Variants in SORCS2 observed in about 807,000 individuals in gnomAD.
SORCS2 encodes VPS10 domain-containing receptor SorCS2.
Under a neutral mutation model 141.6 loss-of-function variants are expected in SORCS2, and 100 were observed. That is an observed-to-expected ratio of 0.71 (90% CI 0.60 to 0.83). SORCS2 has a LOEUF of 0.83. Among genes scored for constraint, SORCS2 ranks in the 40% least tolerant of loss-of-function variants. The pLI is 0.00. For missense variants in SORCS2, 1,646 were observed against 1,560.2 expected, an observed-to-expected ratio of 1.05 and a Z score of -0.93; for synonymous variants, 789 against 676.9, an observed-to-expected ratio of 1.17 and a Z score of -2.57.
intron 2 of SORCS2, among the ~76,000 whole-genome samples, chr4:7,419,878 G>A (rs945092609): frequency 6.6e-6 from 1 of 152,208 alleles, no homozygotes; most frequent in Non-Finnish European, 1.5e-5. Context: ...TTCCTAGGAT[G>A]AAGTTTCTCA....
intron 3 of SORCS2, among the ~76,000 whole-genome samples, chr4:7,583,909 G>A (rs1716353948): frequency 6.6e-6 from 1 of 152,196 alleles, no homozygotes; most frequent in Non-Finnish European, 1.5e-5. Flanking sequence ...CTGGGGTCAG[G>A]AAGACCAGAG....
intron 2 of SORCS2, among the ~76,000 whole-genome samples, chr4:7,448,753 C>A (rs1265753943): frequency 8.1e-6 from 1 of 122,738 alleles, no homozygotes; most frequent in African/African-American, 3.2e-5. Flanking sequence ...TCTCCCCTCC[C>A]TCCCTCTTTT....
chr4:7,449,848 C>T (rs1577583490), intron 2 of SORCS2, among the ~76,000 whole-genome samples: 2 of 152,156 alleles, frequency 1.3e-5, no homozygotes, highest in African/African-American at 4.8e-5. Context: ...CAGGAGCCAC[C>T]CCGCCCTCCC....
At chr4:7,284,190 G>A (rs147868728) in intron 1 of SORCS2, among the ~76,000 whole-genome samples, 39 of 152,230 alleles carry the variant, frequency 2.6e-4, no homozygotes, top group Non-Finnish European at 5.3e-4. Context: ...ATTTTCAACT[G>A]GGACAGGGCA....
chr4:7,505,151 G>A (rs1732199283), intron 2 of SORCS2, among the ~76,000 whole-genome samples: 3 of 152,214 alleles, frequency 2.0e-5, no homozygotes, highest in South Asian at 2.1e-4. Context: ...CCTCCAGGGC[G>A]GGATGGGTGA....
intron 3 of SORCS2, among the ~76,000 whole-genome samples, chr4:7,635,040 G>A (rs931980025): frequency 2.6e-5 from 4 of 152,250 alleles, no homozygotes; most frequent in Admixed American, 2.6e-4. Flanking sequence ...GGGACAGGAA[G>A]AGGAAATACT....
intron 1 of SORCS2, among the ~76,000 whole-genome samples, chr4:7,229,280 C>T (rs1293597567): frequency 3.3e-5 from 5 of 152,118 alleles, no homozygotes; most frequent in Admixed American, 2.6e-4. Context: ...AGCTTTCCAA[C>T]TCTGCCATGC....
intron 2 of SORCS2, among the ~76,000 whole-genome samples, chr4:7,449,451 T>C (rs1165946732): frequency 1.6e-5 from 2 of 128,920 alleles, no homozygotes; most frequent in African/African-American, 2.9e-5. Context: ...AAACCCTTGC[T>C]TTTCTTCCCA....
intron 4 of SORCS2, among the ~76,000 whole-genome samples, chr4:7,647,684 C>T (rs148097138): frequency 6.6e-6 from 1 of 152,272 alleles, no homozygotes; most frequent in East Asian, 1.9e-4. Context: ...CTGATATGGA[C>T]GAGGAGGGCA....
At chr4:7,646,464 G>A (rs1241531550) in intron 4 of SORCS2, among the ~76,000 whole-genome samples, 2 of 152,190 alleles carry the variant, frequency 1.3e-5, no homozygotes, top group South Asian at 2.1e-4. Flanking sequence ...TTTGACTGGT[G>A]TCCTTATAAG....
At chr4:7,334,383 C>T (rs1243763235) in intron 1 of SORCS2, among the ~76,000 whole-genome samples, 3 of 152,094 alleles carry the variant, frequency 2.0e-5, no homozygotes, top group African/African-American at 7.2e-5. Context: ...CTCTCACCCG[C>T]CCCTCCTTCC....
At chr4:7,507,338 CTAA>C (rs1280394685) in intron 2 of SORCS2, among the ~76,000 whole-genome samples, 1 of 152,088 alleles carries the variant, frequency 6.6e-6, no homozygotes, top group Non-Finnish European at 1.5e-5. Context: ...CCACGCCAGG[CTAA>C]TTTTTTGTAT....
intron 22 of SORCS2, among the ~76,000 whole-genome samples, chr4:7,729,360 G>T (rs1727442530): frequency 6.6e-6 from 1 of 152,104 alleles, no homozygotes; most frequent in Non-Finnish European, 1.5e-5. Context: ...CAGTGTGACG[G>T]CACAGGTCCT....
At chr4:7,395,098 G>A (rs1034323053) in intron 1 of SORCS2, among the ~76,000 whole-genome samples, 3 of 152,222 alleles carry the variant, frequency 2.0e-5, no homozygotes, top group African/African-American at 4.8e-5. Flanking sequence ...ATCTGGCCTT[G>A]ATTGACAAGG....
intron 1 of SORCS2, among the ~76,000 whole-genome samples, chr4:7,387,853 CATACAGGT>C (rs1723540739): frequency 8.0e-6 from 1 of 124,652 alleles, no homozygotes; most frequent in Non-Finnish European, 1.9e-5. Flanking sequence ...CATGCACACA[CATACAGGT>C]ACACAGAGAT....
intron 3 of SORCS2, among the ~76,000 whole-genome samples, chr4:7,563,966 G>A (rs1220387202): frequency 6.6e-6 from 1 of 152,240 alleles, no homozygotes; most frequent in Admixed American, 6.5e-5. Flanking sequence ...AACATAAGAT[G>A]TCAGGTTAAT....
At chr4:7,722,302 A>C (rs984486771) in intron 18 of SORCS2, among the ~76,000 whole-genome samples, 26 of 152,290 alleles carry the variant, frequency 1.7e-4, no homozygotes, top group Admixed American at 6.5e-5. Context: ...CCTCCCTGAG[A>C]GGCTGCCTTT....
chr4:7,407,189 T>A (rs1230806243), intron 2 of SORCS2, among the ~76,000 whole-genome samples: 3 of 152,108 alleles, frequency 2.0e-5, no homozygotes, highest in African/African-American at 7.2e-5. Context: ...TTAGGCCTAT[T>A]AGGTCTGGTG....
At chr4:7,203,759 C>T (rs1327481451) in intron 1 of SORCS2, among the ~76,000 whole-genome samples, 1 of 152,186 alleles carries the variant, frequency 6.6e-6, no homozygotes, top group African/African-American at 2.4e-5. Context: ...GACCACCATT[C>T]TTCTCCAGAA....
Sources: allele counts gnomAD v4.1 joint callset (sites outside exome capture counted in the v4.1 genomes callset), GRCh38; gene constraint gnomAD v4.1.1; transcripts MANE v1.5; gene names NCBI Gene and HGNC (gene_info 2026-07-23, HGNC 2026-07-21).